Variants in NKAIN3 observed in about 807,000 individuals in gnomAD.
NKAIN3 encodes sodium/potassium-transporting ATPase subunit beta-1-interacting protein 3.
Under a neutral mutation model 30.2 loss-of-function variants are expected in NKAIN3, and 25 were observed. The observed-to-expected ratio is 0.83, with a 90% CI of 0.60 to 1.16. The LOEUF (loss-of-function observed/expected upper bound fraction) is 1.16. NKAIN3 is among the 50% of genes most tolerant of loss of function. The probability of loss-of-function intolerance (pLI) is 0.00; values close to 1 mark genes in which losing one functional copy is unlikely to be tolerated. For missense variants in NKAIN3, 225 were observed against 254.1 expected (o/e 0.89, Z 0.78); for synonymous variants, 91 against 89.6 (o/e 1.02, Z -0.09).
intron 4 of NKAIN3, among the ~76,000 whole-genome samples, chr8:62,768,165 A>G (rs1007881552): frequency 6.6e-6 from 1 of 152,124 alleles, no homozygotes; most frequent in Non-Finnish European, 1.5e-5. Flanking sequence ...GTGCCTCTAC[A>G]TTCAAAATCC....
chr8:62,525,637 C>G (rs747804914), intron 1 of NKAIN3, among the ~76,000 whole-genome samples: 2 of 152,114 alleles, frequency 1.3e-5, no homozygotes, highest in Non-Finnish European at 2.9e-5. Flanking sequence ...GCCCCTCGGT[C>G]GAGCACTGAG....
intron 3 of NKAIN3, among the ~76,000 whole-genome samples, chr8:62,633,810 G>C (rs1812039620): frequency 6.6e-6 from 1 of 152,098 alleles, no homozygotes; most frequent in African/African-American, 2.4e-5. Context: ...GCTTTTGGAG[G>C]GGGAAAGAAT....
intron 1 of NKAIN3, among the ~76,000 whole-genome samples, chr8:62,549,048 T>G (rs1008860160): frequency 6.6e-6 from 1 of 152,204 alleles, no homozygotes; most frequent in Non-Finnish European, 1.5e-5. Flanking sequence ...CTAGAGAAAT[T>G]GAAGCAAATT....
At chr8:62,906,894 G>A (rs372777759) in intron 4 of NKAIN3, among the ~76,000 whole-genome samples, 18 of 152,280 alleles carry the variant, frequency 1.2e-4, no homozygotes, top group African/African-American at 4.3e-4. Context: ...CAGGAGTGGA[G>A]TATTGCTGTA....
chr8:62,710,090 T>C (rs539529337), intron 3 of NKAIN3, among the ~76,000 whole-genome samples: 3 of 152,244 alleles, frequency 2.0e-5, no homozygotes, highest in African/African-American at 7.2e-5. Context: ...AGAGAGTGCT[T>C]GTTATAATTT....
At chr8:62,777,701 T>G (rs1213779763) in intron 4 of NKAIN3, among the ~76,000 whole-genome samples, 1 of 152,174 alleles carries the variant, frequency 6.6e-6, no homozygotes, top group Non-Finnish European at 1.5e-5. Context: ...TCCTGGTGCC[T>G]TATTTAGTCT....
chr8:62,846,376 C>G (rs1352290910), intron 4 of NKAIN3, among the ~76,000 whole-genome samples: 2 of 152,062 alleles, frequency 1.3e-5, no homozygotes, highest in African/African-American at 4.8e-5. Context: ...AGGTTTGTTA[C>G]ATAGGTAAAC....
intron 4 of NKAIN3, among the ~76,000 whole-genome samples, chr8:62,897,477 C>T (rs1368085324): frequency 6.6e-6 from 1 of 152,018 alleles, no homozygotes; most frequent in African/African-American, 2.4e-5. Context: ...TTGACACTAT[C>T]TAAAGAGTCC....
chr8:62,683,244 C>A (rs1207662798), intron 3 of NKAIN3, among the ~76,000 whole-genome samples: 1 of 152,098 alleles, frequency 6.6e-6, no homozygotes, highest in African/African-American at 2.4e-5. Context: ...CCGTGTTAAC[C>A]AGGATGGTCT....
At chr8:62,479,525 G>A (rs946691370) in intron 1 of NKAIN3, among the ~76,000 whole-genome samples, 3 of 152,174 alleles carry the variant, frequency 2.0e-5, no homozygotes, top group African/African-American at 7.2e-5. Context: ...TGCTAGAACT[G>A]TTAGCAGCTT....
At chr8:62,466,266 G>A (rs556121626) in intron 1 of NKAIN3, among the ~76,000 whole-genome samples, 4 of 152,242 alleles carry the variant, frequency 2.6e-5, no homozygotes, top group Admixed American at 2.6e-4. Flanking sequence ...ATATAGATAT[G>A]AAAATTATTT....
chr8:62,348,340 T>A (rs573515236), intron 1 of NKAIN3, among the ~76,000 whole-genome samples: 1 of 152,188 alleles, frequency 6.6e-6, no homozygotes, highest in Non-Finnish European at 1.5e-5. Flanking sequence ...GATGACATAA[T>A]TTTTTAGGCA....
chr8:62,766,278 G>A (rs1167324037), intron 4 of NKAIN3, among the ~76,000 whole-genome samples: 1 of 152,114 alleles, frequency 6.6e-6, no homozygotes, highest in African/African-American at 2.4e-5. Context: ...GATGTTCCTA[G>A]CAATGTTATT....
At chr8:62,514,759 T>G (rs1196926238) in intron 1 of NKAIN3, among the ~76,000 whole-genome samples, 1 of 152,114 alleles carries the variant, frequency 6.6e-6, no homozygotes, top group African/African-American at 2.4e-5. Flanking sequence ...AGATGGATAT[T>G]CTAACTTCAG....
At chr8:62,916,280 G>T (rs919874480) in intron 4 of NKAIN3, among the ~76,000 whole-genome samples, 1 of 151,952 alleles carries the variant, frequency 6.6e-6, no homozygotes. Flanking sequence ...TTAATACATA[G>T]CAGTATATTT....
intron 4 of NKAIN3, among the ~76,000 whole-genome samples, chr8:62,889,325 A>G (rs1340263401): frequency 6.6e-6 from 1 of 152,064 alleles, no homozygotes; most frequent in Non-Finnish European, 1.5e-5. Context: ...AGCCGAGATC[A>G]TGCCATTGCA....
chr8:62,303,968 T>A (rs144935436), intron 1 of NKAIN3, among the ~76,000 whole-genome samples: 1 of 150,698 alleles, frequency 6.6e-6, no homozygotes, highest in African/African-American at 2.5e-5. Context: ...ATTAGTACTG[T>A]CTTTTAAAGA....
intron 1 of NKAIN3, among the ~76,000 whole-genome samples, chr8:62,560,634 G>T (rs1809541583): frequency 7.0e-6 from 1 of 142,082 alleles, no homozygotes; most frequent in African/African-American, 2.6e-5. Flanking sequence ...CCGCCTCCTG[G>T]GTTCAAGCAA....
chr8:62,249,858 A>G (rs892451526), intron 1 of NKAIN3, among the ~76,000 whole-genome samples: 1 of 152,116 alleles, frequency 6.6e-6, no homozygotes, highest in Non-Finnish European at 1.5e-5. Flanking sequence ...TAGAAACTAG[A>G]GTGGGGAAAA....
Sources: gnomAD v4.1 joint callset for allele counts (sites outside exome capture counted in the v4.1 genomes callset) on GRCh38, gnomAD v4.1.1 for gene constraint, MANE v1.5 for transcripts, NCBI Gene and HGNC (gene_info 2026-07-23, HGNC 2026-07-21) for gene names.